ST14: variants seen among roughly 807,000 people sequenced by gnomAD.
The protein encoded by ST14 is suppressor of tumorigenicity 14 protein.
Under a neutral mutation model 96.5 loss-of-function variants are expected in ST14, and 40 were observed. The observed-to-expected ratio is 0.41, with a 90% confidence interval of 0.32 to 0.54. The LOEUF (loss-of-function observed/expected upper bound fraction) is 0.54. ST14 is among the 20% of genes least tolerant of loss of function. The probability of loss-of-function intolerance (pLI) is 0.17; values close to 1 mark genes in which losing one functional copy is unlikely to be tolerated. For missense variants in ST14, 1,066 were observed against 1,188.9 expected (o/e 0.90, Z 1.52); for synonymous variants, 506 against 492.1 (o/e 1.03, Z -0.37).
Position 130,188,158 on chromosome 11 carries a change from C to A in ST14, c.126C>A (p.Asn42Lys). The A allele has an allele frequency of 6.2e-7, 1 of 1,614,210 alleles. No individual in the cohort carries two copies. The highest frequency in any genetic ancestry group is 8.5e-7 in the Non-Finnish European group (1 of 1,180,048). ...LEEGVEFLPV[N>K]NVKKVEKHGP... ...AAGGCGTGGAGTTCCTGCCAGTCAA[C>A]AACGTCAAGAAGGTGGAAAAGCATG... is the stretch of plus-strand genomic sequence containing the variant. Residue 42 changes from asparagine to lysine, a missense_variant, in exon 2 of 19, where the codon AAC (asparagine) becomes AAA (lysine). Transcript: ENST00000278742. The surrounding 1 kb of genome is among the most constrained non-coding windows in gnomAD (Gnocchi z 5.4).
At chr11:130,191,676 C>A (rs1359440857) in intron 7 of ST14, among the ~76,000 whole-genome samples, 1 of 121,106 alleles carries the variant, frequency 8.3e-6, no homozygotes. Flanking sequence ...GGCAACAGAG[C>A]GAGACTCTGT....
intron 16 of ST14, among the ~76,000 whole-genome samples, chr11:130,203,572 G>A (rs189229109): frequency 1.6e-4 from 24 of 152,348 alleles, no homozygotes; most frequent in African/African-American, 4.3e-4. Context: ...GCCCCTGCCC[G>A]TCCGTGCAGT....
At chr11:130,186,426 G>A (rs1040736762) in intron 1 of ST14, among the ~76,000 whole-genome samples, 8 of 152,210 alleles carry the variant, frequency 5.3e-5, no homozygotes, top group African/African-American at 1.7e-4. Flanking sequence ...CCAGACAACT[G>A]CTATGAGAAA....
At chr11:130,162,025 G>A (rs184441351) in intron 1 of ST14, among the ~76,000 whole-genome samples, 8 of 152,330 alleles carry the variant, frequency 5.3e-5, no homozygotes, top group Admixed American at 5.2e-4. Flanking sequence ...TGTGTTTGCA[G>A]CTAGGATGTC....
In ST14 at chr11:130,198,630, C is replaced by T. The variant is rs1591893322; in HGVS notation, c.1684+9C>T. ...GGCCTCCTGCCCCAAGGGTGAGGCC[C>T]GCCCCACCCATCTTCCTGTTGGGGG... On this transcript the variant is annotated intron_variant, in intron 14 of 18. Coordinates refer to ENST00000278742, the MANE Select transcript of ST14 (RefSeq NM_021978.4). The T allele has an allele frequency of 5.6e-6, 9 of 1,604,620 alleles. No homozygotes were observed. The highest frequency in any genetic ancestry group is 6.8e-6 in the Non-Finnish European group (8 of 1,172,196).
At position 130,210,313 on chromosome 11, in the gene ST14, C is replaced by T. The variant is rs77755300; in HGVS notation, c.*490C>T. On this transcript the variant is annotated 3_prime_UTR_variant, in exon 19 of 19. Coordinates refer to ENST00000278742, the MANE Select transcript of ST14 (RefSeq NM_021978.4). ...TTGTTTTACCAGCTCCCAGGGTGGA[C>T]TTCAGTGTGTGTATTTGTGTAAATG... is the stretch of plus-strand genomic sequence containing the variant. The T allele has an allele frequency of 0.026, 4,224 of 165,340 alleles. 210 individuals carry two copies. Among genetic ancestry groups the T allele is most frequent in the African/African-American group, 0.093 (3,877 of 41,792 alleles). The allele number at this position is 165,340 out of a possible 1,614,324, so 10.2% of individuals were successfully genotyped here.
In ST14 at chr11:130,188,525, C is replaced by A. The variant is rs768266429; in HGVS notation, c.242-5C>A. ...CCTGACTGAGCGCCTTCTGGTCTCA[C>A]ACAGACCGGGACGTGCGTGTCCAGA... On this transcript the variant is annotated splice_region_variant and splice_polypyrimidine_tract_variant and intron_variant, in intron 2 of 18. Transcript: ENST00000278742. The surrounding 1 kb of genome is among the most constrained non-coding windows in gnomAD (Gnocchi z 5.4). 1.2e-6 allele frequency: 2 copies of A among 1,613,622 alleles called. No homozygotes were observed. The highest frequency in any genetic ancestry group is 8.5e-7 in the Non-Finnish European group (1 of 1,180,006).
chr11:130,167,230 A>G (rs1013636562), intron 1 of ST14, among the ~76,000 whole-genome samples: 1 of 152,228 alleles, frequency 6.6e-6, no homozygotes, highest in Non-Finnish European at 1.5e-5. Context: ...TTTTTTTAAT[A>G]AAAATGACAC....
In ST14 at chr11:130,181,016, C is replaced by T. The variant is rs190925942; in HGVS notation, c.82-7098C>T. Among the ~76,000 whole-genome samples, 16 of 152,258 alleles carry T rather than the reference C, an allele frequency of 1.1e-4. No homozygotes were observed. The East Asian group carries it at 2.1e-3, about 20-fold the overall frequency. ...AAAGTTGGGTGAGATGGCAATGGTCCGATCTCATCCCTGCTGGGTGGGATG... is the reference window on the plus strand; with the variant it reads ...AAAGTTGGGTGAGATGGCAATGGTCTGATCTCATCCCTGCTGGGTGGGATG... On this transcript the variant is annotated intron_variant, in intron 1 of 18. Transcript: ENST00000278742. The surrounding 1 kb of genome is among the most constrained non-coding windows in gnomAD (Gnocchi z 4.1).
In ST14 at chr11:130,196,386, G is replaced by A; in HGVS notation, c.1161G>A (p.Leu387=). The A allele has an allele frequency of 6.2e-7, 1 of 1,609,068 alleles. No individual in the cohort carries two copies. The highest frequency in any genetic ancestry group is 8.5e-7 in the Non-Finnish European group (1 of 1,178,120). The part of the protein sequence containing the change: ...HVKVRFKFFY[L]LEPGVPAGTC... ...AGGTGCGCTTCAAATTCTTCTACCT[G>A]CTGGAGCCCGGCGTGCCTGCGGGCA... Residue 387 remains leucine, a synonymous_variant, in exon 10 of 19, where the codon CTG becomes CTA. Transcript: ENST00000278742.
At chr11:130,173,317 G>A (rs1410581476) in intron 1 of ST14, among the ~76,000 whole-genome samples, 1 of 152,156 alleles carries the variant, frequency 6.6e-6, no homozygotes, top group Non-Finnish European at 1.5e-5. Flanking sequence ...AAACTGAAAG[G>A]CTGGGCGCGG....
intron 7 of ST14, among the ~76,000 whole-genome samples, chr11:130,191,063 T>C (rs1269260858): frequency 6.6e-6 from 1 of 152,178 alleles, no homozygotes. Flanking sequence ...GAAAAGACAA[T>C]TTTGTTGGCG....
chr11:130,196,565 T>G lies in ST14; in HGVS notation c.1224-5T>G. 1 of 1,177,710 alleles carries G rather than the reference T, an allele frequency of 8.5e-7. No homozygotes were observed. Among genetic ancestry groups the G allele is most frequent in the Non-Finnish European group, 1.2e-6 (1 of 858,500 alleles). 73.0% of individuals were successfully genotyped at this position (1,177,710 alleles called of 1,614,324 possible). On this transcript the variant is annotated splice_region_variant and splice_polypyrimidine_tract_variant and intron_variant, in intron 10 of 18. Coordinates refer to ENST00000278742, the MANE Select transcript of ST14 (RefSeq NM_021978.4). The stretch of plus-strand genomic sequence containing the variant: ...TCCTCACCTTGTGCCCCGCCCCCCC[T>G]CCAGATACTGCGGAGAGAGGTCCCA...
rs1314486842 is a variant in ST14, at chr11:130,198,492, C to A, written c.1571-16C>A. The A allele has an allele frequency of 6.2e-7, 1 of 1,613,738 alleles. No individual in the cohort carries two copies. The highest frequency in any genetic ancestry group is 8.5e-7 in the Non-Finnish European group (1 of 1,179,782). On this transcript the variant is annotated splice_polypyrimidine_tract_variant and intron_variant, in intron 13 of 18. Coordinates refer to ENST00000278742, the MANE Select transcript of ST14 (RefSeq NM_021978.4). ...TGACGGTGGCTCCTGGTGGCTGAGT[C>A]CTGGTGCCTCTCCAGGTTGTCCGGC...
rs1339018221 is a variant in ST14 at position 130,209,423 on chromosome 11, C to T, written c.2270-19C>T. On this transcript the variant is annotated intron_variant, in intron 17 of 18. Coordinates refer to ENST00000278742, the MANE Select transcript of ST14 (RefSeq NM_021978.4). The stretch of plus-strand genomic sequence containing the variant: ...CTCGAAGCAGCCCGGCTCTCAGCCC[C>T]GTCCTGCCCTCTCCCCAGGCACTGG... 12 of 1,571,008 alleles carry T rather than the reference C, an allele frequency of 7.6e-6. No homozygotes were observed. The highest frequency in any genetic ancestry group is 1.0e-5 in the Non-Finnish European group (12 of 1,158,242).
intron 1 of ST14, among the ~76,000 whole-genome samples, chr11:130,168,441 A>G (rs1953061026): frequency 6.6e-6 from 1 of 152,200 alleles, no homozygotes; most frequent in African/African-American, 2.4e-5. Flanking sequence ...GCACCGATGT[A>G]GAGCTTCCAC....
intron 16 of ST14, among the ~76,000 whole-genome samples, chr11:130,207,455 G>T (rs1255400946): frequency 6.6e-6 from 1 of 152,224 alleles, no homozygotes; most frequent in African/African-American, 2.4e-5. Flanking sequence ...GGAGGCTGAG[G>T]CAGGAGAATC....
intron 1 of ST14, among the ~76,000 whole-genome samples, chr11:130,164,804 C>A (rs1302333676): frequency 2.6e-5 from 4 of 151,462 alleles, no homozygotes; most frequent in Non-Finnish European, 5.9e-5. Context: ...ATGGTGTGAT[C>A]TCAGCTCACC....
At position 130,188,866 on chromosome 11, in the gene ST14, CAGCTGA is replaced by C. The variant is rs772383108; in HGVS notation, c.373_378del (p.Lys125_Leu126del). The stretch of plus-strand genomic sequence containing the variant: ...CTCACCTTGAGTCTCTGCCCTTCCT[CAGCTGA>C]AGCTGCTGTACAGCGGAGTCCCATT... On this transcript the variant is annotated splice_acceptor_variant and coding_sequence_variant, in exon 4 of 19. Coordinates refer to ENST00000278742, the MANE Select transcript of ST14 (RefSeq NM_021978.4). LOFTEE classifies it high-confidence loss of function. The surrounding 1 kb of genome is among the most constrained non-coding windows in gnomAD (Gnocchi z 5.4). 6.2e-7 allele frequency: 1 copy of C among 1,612,712 alleles called. No homozygotes were observed. Among genetic ancestry groups the C allele is most frequent in the Non-Finnish European group, 8.5e-7 (1 of 1,179,530 alleles).
Sources: allele counts gnomAD v4.1 joint callset (sites outside exome capture counted in the v4.1 genomes callset), GRCh38; gene constraint gnomAD v4.1.1; non-coding constraint Gnocchi (gnomAD v3.1); transcripts MANE v1.5; gene names NCBI Gene and HGNC (gene_info 2026-07-23, HGNC 2026-07-21).